The following PDE4DIP variants were observed in gnomAD, a reference collection of about 807,000 sequenced individuals.
PDE4DIP encodes the protein myomegalin.
A neutral mutation model predicts 221.4 loss-of-function variants in PDE4DIP; 59 were observed. The observed-to-expected ratio is 0.27, with a 90% CI of 0.22 to 0.33. The LOEUF is 0.33. Among genes scored for constraint, PDE4DIP ranks in the 10% least tolerant of loss-of-function variants. The pLI is 1.00. For missense variants in PDE4DIP, 1,036 were observed against 2,154.2 expected (o/e 0.48, Z 10.28); for synonymous variants, 404 against 815.9 (o/e 0.50, Z 8.60).
At chr1:148,859,889 C>T (rs1276967094) in intron 1 of PDE4DIP, among the ~76,000 whole-genome samples, 1 of 125,916 alleles carries the variant, frequency 7.9e-6, no homozygotes, top group African/African-American at 3.2e-5. Context: ...CCCCAATTCT[C>T]CTTGCACTTT....
chr1:148,992,178 C>T, intron 22 of PDE4DIP: 1 of 702,632 alleles, frequency 1.4e-6, no homozygotes, highest in Non-Finnish European at 2.5e-6. Flanking sequence ...CCAATCCACC[C>T]TTTGGTTTGT....
At position 148,952,042 on chromosome 1, in the gene PDE4DIP, T is replaced by A. The variant is rs1369642427; in HGVS notation, c.637-8612T>A. ...CTGCCCCGCTGGCAGCCGGAGGACGTGGCACTGTCCGAGAATGCAGGGAGG... is the reference window on the plus strand; with the variant it reads ...CTGCCCCGCTGGCAGCCGGAGGACGAGGCACTGTCCGAGAATGCAGGGAGG... On this transcript the variant is annotated intron_variant, in intron 5 of 43. Coordinates refer to ENST00000369354, the Ensembl canonical transcript of PDE4DIP. 3.0e-6 allele frequency: 3 copies of A among 1,009,470 alleles called. No individual in the cohort carries two copies. In the East Asian group the frequency reaches 2.1e-4, roughly 71 times the overall value. The allele number at this position is 1,009,470 out of a possible 1,614,324, so 62.5% of individuals were successfully genotyped here.
intron 5 of PDE4DIP, among the ~76,000 whole-genome samples, chr1:148,948,683 G>GAA (rs2052399121): frequency 8.2e-6 from 1 of 121,556 alleles, no homozygotes; most frequent in African/African-American, 3.2e-5. Context: ...CTTTTTAATT[G>GAA]AAATATACTA....
rs1374221748 is a variant in PDE4DIP at position 149,028,634 on chromosome 1, T to C, written c.6744T>C (p.Ala2248=). The change falls in exon 41 of 44, where the codon GCT becomes GCC. Residue 2248 remains alanine, a synonymous_variant. Coordinates refer to ENST00000369354, the Ensembl canonical transcript of PDE4DIP. ...TGCACCATGCCCTAGAGGAGTCAGC[T>C]TCCCTCCTCACCATGTTCTGGAGAG... The C allele has an allele frequency of 4.4e-6, 7 of 1,602,920 alleles. No homozygotes were observed. The African/African-American group carries it at 8.1e-5, about 19-fold the overall frequency.
intron 20 of PDE4DIP, 67 bp downstream of exon 23, chr1:148,979,916 A>G: frequency 1.9e-6 from 3 of 1,555,038 alleles, no homozygotes; most frequent in Admixed American, 3.5e-5. Flanking sequence ...TATTGTATTT[A>G]TGCCTTTTAT....
At chr1:148,984,501 A>G (rs587704806) in intron 21 of PDE4DIP, 3 of 152,180 alleles carry the variant, frequency 2.0e-5, no homozygotes, top group Admixed American at 6.5e-5. Context: ...GTTTATGCAT[A>G]AGTAAACTCT....
chr1:149,011,207 G>C (rs1426778610), intron 31 of PDE4DIP, among the ~76,000 whole-genome samples: 1 of 130,398 alleles, frequency 7.7e-6, no homozygotes, highest in Non-Finnish European at 1.6e-5. Flanking sequence ...CCCTGTACCA[G>C]GGATGGCAAG....
rs1404013915 is a variant in PDE4DIP, at chr1:148,915,130, G to GT, written c.142-14060dup. Among the ~76,000 whole-genome samples, 4 of 115,458 alleles carry GT rather than the reference G, an allele frequency of 3.5e-5. No homozygotes were observed. The Middle Eastern group carries it at 0.02, about 566-fold the overall frequency. The allele number at this position is 115,458 out of a possible 152,430, so 75.7% of individuals were successfully genotyped here. ...AAGAGACTGCCAGTGCTTTCTTCTG[G>GT]TTTTTTTGTTTGTTTGTTTGTTTGT... On this transcript the variant is annotated intron_variant, in intron 1 of 43. Transcript: ENST00000369354.
exon 38 of PDE4DIP, chr1:149,024,500 G>T (rs375886080): frequency 1.9e-6 from 2 of 1,065,452 alleles, no homozygotes; most frequent in Non-Finnish European, 1.4e-6. Context: ...TGAGCCACCT[G>T]GTGGCAGAGG....
At chr1:148,982,575 T>C (rs1464106560) in intron 21 of PDE4DIP, 1 of 152,234 alleles carries the variant, frequency 6.6e-6, no homozygotes, top group Non-Finnish European at 1.5e-5. Flanking sequence ...ATGTCTTGAA[T>C]GTCAAGTGTG....
rs11538401 is a variant in PDE4DIP at position 148,863,267 on chromosome 1, A to G, written c.251A>G (p.Asp84Gly). The G allele has an allele frequency of 1.6e-4, 75 of 468,552 alleles. 6 individuals carry two copies. Among genetic ancestry groups the G allele is most frequent in the Admixed American group, 8.3e-4 (24 of 28,754 alleles). 29.0% of individuals were successfully genotyped at this position (468,552 alleles called of 1,614,324 possible). A position where few individuals can be genotyped will look rare whatever the true frequency, so the allele number is the denominator to read the frequency against. ...CTCCACAGAGATTATTTTGCAGAGG[A>G]TGATGGGGAGATGGTACCCAGAACG... Residue 84 changes from aspartate to glycine, a missense_variant, in exon 2 of 46, where the codon GAT becomes GGT. By Grantham distance (94) the Asp-to-Gly change is moderately conservative. Coordinates refer to the PDE4DIP transcript ENST00000524974.
chr1:149,032,041 G>A (rs2076890008), exon 44 of PDE4DIP: 1 of 1,611,102 alleles, frequency 6.2e-7, no homozygotes, highest in Non-Finnish European at 8.5e-7. Context: ...CCTTAAAACA[G>A]CAGGAAAGGT....
intron 14 of PDE4DIP, among the ~76,000 whole-genome samples, chr1:148,971,374 CG>C (rs1340543393): frequency 2.4e-4 from 35 of 147,360 alleles, no homozygotes; most frequent in African/African-American, 8.5e-4. Context: ...GTAAGTGCAT[CG>C]AAAAAAAATT....
intron 6 of PDE4DIP, among the ~76,000 whole-genome samples, chr1:148,961,131 C>T (rs587659946): frequency 6.6e-6 from 1 of 152,158 alleles, no homozygotes; most frequent in African/African-American, 2.4e-5. Context: ...ATGGTGAAAC[C>T]CTGTCTCTAC....
chr1:148,998,819 C>T (rs1352609878), intron 23 of PDE4DIP, among the ~76,000 whole-genome samples: 1 of 151,308 alleles, frequency 6.6e-6, no homozygotes. Context: ...TCACTGACTG[C>T]AAGCTCCACC....
chr1:148,824,259 GT>G (rs1431474632), intron 1 of PDE4DIP, among the ~76,000 whole-genome samples: 2 of 148,276 alleles, frequency 1.3e-5, no homozygotes, highest in Admixed American at 6.7e-5. Context: ...TGAAAGGTCC[GT>G]TTTCAGACTC....
chr1:148,926,714 G>A (rs1164990802), intron 1 of PDE4DIP, among the ~76,000 whole-genome samples: 1 of 151,764 alleles, frequency 6.6e-6, no homozygotes, highest in Non-Finnish European at 1.5e-5. Flanking sequence ...CCACATAATT[G>A]AATGCATATT....
chr1:148,919,237 C>T (rs587706660), intron 1 of PDE4DIP, among the ~76,000 whole-genome samples: 9 of 150,482 alleles, frequency 6.0e-5, no homozygotes, highest in Middle Eastern at 3.5e-3. Flanking sequence ...CTCACATAAG[C>T]GTAAAAGATG....
In PDE4DIP at chr1:148,923,622, C is replaced by T. The variant is rs57561026; in HGVS notation, c.142-5575C>T. 2.4e-3 allele frequency among the ~76,000 whole-genome samples: 354 copies of T among 144,908 alleles called. 42 individuals carry two copies. Among genetic ancestry groups the T allele is most frequent in the African/African-American group, 3.7e-3 (138 of 37,566 alleles). On this transcript the variant is annotated intron_variant, in intron 1 of 43. Coordinates refer to ENST00000369354, the Ensembl canonical transcript of PDE4DIP. ...TCAAGTAGCTGGGACTACAGGAGCC[C>T]GCCACCGCTCCCGGCTAATTTTTTG... is the stretch of plus-strand genomic sequence containing the variant.
Sources: allele counts gnomAD v4.1 joint callset (sites outside exome capture counted in the v4.1 genomes callset), GRCh38; gene constraint gnomAD v4.1.1; transcripts MANE v1.5; gene names NCBI Gene and HGNC (gene_info 2026-07-23, HGNC 2026-07-21).